The following CNTN3 variants were observed in gnomAD, a reference collection of about 807,000 sequenced individuals.
CNTN3 encodes contactin 3, also known as contactin-3.
Under a neutral mutation model 119.1 loss-of-function variants are expected in CNTN3, and 60 were observed. The ratio of observed to expected loss-of-function variants is 0.50; its 90% CI spans 0.41 to 0.62. The LOEUF (loss-of-function observed/expected upper bound fraction) is 0.62. CNTN3 is among the 20% of genes least tolerant of loss of function. The pLI is 0.00. For missense variants in CNTN3, 1,101 were observed against 1,242.4 expected (o/e 0.89, Z 1.71); for synonymous variants, 450 against 438.7 (o/e 1.03, Z -0.32).
At chr3:74,301,877 G>T in intron 14 of CNTN3, 72 bp from the exon 15 acceptor site, 2 of 1,513,998 alleles carry the variant, frequency 1.3e-6, no homozygotes, top group Non-Finnish European at 1.8e-6. Flanking sequence ...AAAGAGAAGA[G>T]AATGTCACAT....
intron 2 of CNTN3, among the ~76,000 whole-genome samples, chr3:74,509,736 T>C (rs953543543): frequency 1.3e-5 from 2 of 152,198 alleles, no homozygotes; most frequent in African/African-American, 2.4e-5. Flanking sequence ...TGGCAGTATG[T>C]ATGAGAAGCC....
chr3:74,359,358 T>C lies in CNTN3; in HGVS notation c.1364+2532A>G, dbSNP rs1458647683. On this transcript the variant is annotated intron_variant, in intron 11 of 22. Coordinates refer to ENST00000263665, the MANE Select transcript of CNTN3 (RefSeq NM_020872.3). ...CTAAATCCTGATTTTGCAGCGACTATGTAAGGAAGGATATATTATCTCTAT... is the reference window on the plus strand; with the variant it reads ...CTAAATCCTGATTTTGCAGCGACTACGTAAGGAAGGATATATTATCTCTAT... 2.0e-5 allele frequency among the ~76,000 whole-genome samples: 3 copies of C among 152,288 alleles called. No individual in the cohort carries two copies. In the East Asian group the frequency reaches 5.8e-4, roughly 29 times the overall value.
chr3:74,291,127 C>T (rs1377759710), intron 19 of CNTN3, among the ~76,000 whole-genome samples: 1 of 151,928 alleles, frequency 6.6e-6, no homozygotes, highest in Non-Finnish European at 1.5e-5. Flanking sequence ...TCAGTTCCCA[C>T]CTGTGAGTGA....
At chr3:74,456,533 C>G (rs1233770670) in intron 4 of CNTN3, among the ~76,000 whole-genome samples, 1 of 152,036 alleles carries the variant, frequency 6.6e-6, no homozygotes, top group Non-Finnish European at 1.5e-5. Context: ...CTAACAATGT[C>G]AGCATGGAGG....
At position 74,487,150 on chromosome 3, in the gene CNTN3, T is replaced by C. The variant is rs536829556; in HGVS notation, c.183-519A>G. On this transcript the variant is annotated intron_variant, in intron 3 of 22. Coordinates refer to ENST00000263665, the MANE Select transcript of CNTN3 (RefSeq NM_020872.3). ...ACTTTTTTAAGCCATTACAGTGCTATTTACAAAATGGTACACTGTGGTAAA... is the reference window on the plus strand; with the variant it reads ...ACTTTTTTAAGCCATTACAGTGCTACTTACAAAATGGTACACTGTGGTAAA... Among the ~76,000 whole-genome samples, 17 of 152,262 alleles carry C rather than the reference T, an allele frequency of 1.1e-4. No homozygotes were observed. In the South Asian group the frequency reaches 3.5e-3, roughly 32 times the overall value.
intron 20 of CNTN3, among the ~76,000 whole-genome samples, chr3:74,278,880 G>A (rs1017334997): frequency 6.6e-6 from 1 of 151,692 alleles, no homozygotes; most frequent in African/African-American, 2.4e-5. Context: ...CTAATATCCA[G>A]AATCTACAAC....
chr3:74,363,351 T>C lies in CNTN3; in HGVS notation c.1213+1116A>G, dbSNP rs528826622. On this transcript the variant is annotated intron_variant, in intron 10 of 22. Coordinates refer to ENST00000263665, the MANE Select transcript of CNTN3 (RefSeq NM_020872.3). The stretch of plus-strand genomic sequence containing the variant: ...TATAACATTTTGGGGTGGATAATTA[T>C]CTTTTGTGAGAAGCTATTTTGTGCA... Among the ~76,000 whole-genome samples the C allele has an allele frequency of 1.4e-4, 21 of 152,266 alleles. No homozygotes were observed. The East Asian group carries it at 3.7e-3, about 27-fold the overall frequency.
At chr3:74,346,992 C>T (rs1703706814) in intron 11 of CNTN3, among the ~76,000 whole-genome samples, 1 of 151,966 alleles carries the variant, frequency 6.6e-6, no homozygotes, top group Admixed American at 6.6e-5. Flanking sequence ...GGGAAGCTGT[C>T]CAAGAAAGAG....
chr3:74,567,561 G>C (rs7433110), intron 1 of CNTN3, among the ~76,000 whole-genome samples: 126,461 of 151,962 alleles, frequency 0.83, 52,678 homozygotes, highest in Middle Eastern at 0.86. Flanking sequence ...TTAAGCACTA[G>C]AGTGACTACA....
Position 74,461,484 on chromosome 3 carries a change from A to G in CNTN3, c.358+24972T>C, listed in dbSNP as rs1702366874. On this transcript the variant is annotated intron_variant, in intron 4 of 22. Coordinates refer to ENST00000263665, the MANE Select transcript of CNTN3 (RefSeq NM_020872.3). ...CAAGTTATTATTTACTGATTGATTT[A>G]TATTAAGGATCAATAATAGTTGGTG... is the stretch of plus-strand genomic sequence containing the variant. Among the ~76,000 whole-genome samples the G allele has an allele frequency of 2.0e-5, 3 of 152,030 alleles. No homozygotes were observed. The South Asian group carries it at 6.2e-4, about 31-fold the overall frequency.
chr3:74,280,093 G>T (rs963310022), intron 20 of CNTN3, among the ~76,000 whole-genome samples: 7 of 151,828 alleles, frequency 4.6e-5, no homozygotes, highest in Non-Finnish European at 8.8e-5. Flanking sequence ...ATTTCACATT[G>T]CATATCTGTA....
At chr3:74,327,105 C>CTTTTTTTTTTT (rs1491284899) in intron 13 of CNTN3, among the ~76,000 whole-genome samples, 44 of 90,700 alleles carry the variant, frequency 4.9e-4, no homozygotes, top group African/African-American at 6.2e-4. Flanking sequence ...AAGGGTTAAT[C>CTTTTTTTTTTT]CTTTTTTTTT....
At chr3:74,545,605 A>C (rs1703902640) in intron 1 of CNTN3, among the ~76,000 whole-genome samples, 1 of 152,206 alleles carries the variant, frequency 6.6e-6, no homozygotes, top group Admixed American at 6.5e-5. Context: ...AAGGAAAAGT[A>C]ATTCGTTTAA....
At chr3:74,396,747 A>G (rs1207448310) in intron 5 of CNTN3, among the ~76,000 whole-genome samples, 1 of 6,146 alleles carries the variant, frequency 1.6e-4, no homozygotes, top group Non-Finnish European at 8.8e-4. Context: ...TCCGCCTCAG[A>G]AAAAAAAAAA....
intron 8 of CNTN3, among the ~76,000 whole-genome samples, chr3:74,367,926 A>G (rs1175462002): frequency 1.3e-5 from 2 of 152,098 alleles, no homozygotes; most frequent in Non-Finnish European, 2.9e-5. Context: ...CTAGAGTATG[A>G]GAAAAGGTTA....
At chr3:74,586,614 T>C (rs1704597213) in intron 1 of CNTN3, among the ~76,000 whole-genome samples, 1 of 152,050 alleles carries the variant, frequency 6.6e-6, no homozygotes, top group Non-Finnish European at 1.5e-5. Flanking sequence ...GAGCCTCAAT[T>C]TTCCCATCTA....
intron 4 of CNTN3, among the ~76,000 whole-genome samples, chr3:74,479,111 A>C (rs569959479): frequency 5.2e-4 from 79 of 152,046 alleles, no homozygotes; most frequent in Non-Finnish European, 1.0e-3. Context: ...GAGAGAAACA[A>C]TCTATTCCAG....
intron 1 of CNTN3, among the ~76,000 whole-genome samples, chr3:74,543,617 T>G (rs1018577545): frequency 1.3e-5 from 2 of 152,200 alleles, no homozygotes; most frequent in Non-Finnish European, 2.9e-5. Flanking sequence ...AGTATTATTT[T>G]CCAATTTTAC....
At chr3:74,495,939 T>C (rs1428771348) in intron 3 of CNTN3, among the ~76,000 whole-genome samples, 1 of 151,992 alleles carries the variant, frequency 6.6e-6, no homozygotes, top group African/African-American at 2.4e-5. Context: ...AAAGCATTTA[T>C]AGAAAAGAGT....
Sources: gnomAD v4.1 joint callset for allele counts (sites outside exome capture counted in the v4.1 genomes callset) on GRCh38, gnomAD v4.1.1 for gene constraint, MANE v1.5 for transcripts, NCBI Gene and HGNC (gene_info 2026-07-23, HGNC 2026-07-21) for gene names.